THSD4: variants seen among roughly 807,000 people sequenced by gnomAD.
THSD4 encodes the protein thrombospondin type 1 domain containing 4.
In THSD4, 69 loss-of-function variants were observed where a neutral mutation model predicts 119.0. That is an observed-to-expected ratio of 0.58 (90% CI 0.48 to 0.71). THSD4 has a LOEUF of 0.71. Among genes scored for constraint, THSD4 ranks in the 30% least tolerant of loss-of-function variants. The pLI is 0.00. For missense variants in THSD4, 1,393 were observed against 1,391.1 expected (o/e 1.00, Z -0.02); for synonymous variants, 524 against 540.4 (o/e 0.97, Z 0.42).
chr15:71,403,413 G>A, intron 6 of THSD4, among the ~76,000 whole-genome samples: 1 of 152,138 alleles, frequency 6.6e-6, no homozygotes, highest in South Asian at 2.1e-4. Flanking sequence ...AGTTATTGTT[G>A]AGAAATCCAA....
intron 14 of THSD4, among the ~76,000 whole-genome samples, chr15:71,754,282 G>A (rs568863451): frequency 6.6e-6 from 1 of 151,962 alleles, no homozygotes; most frequent in Non-Finnish European, 1.5e-5. Context: ...TAGAGATGGG[G>A]TTTCACTATG....
chr15:71,486,617 T>G (rs2047824286), intron 7 of THSD4, among the ~76,000 whole-genome samples: 3 of 51,166 alleles, frequency 5.9e-5, no homozygotes, highest in Admixed American at 3.6e-4. Flanking sequence ...TTCTGTTTTT[T>G]TTTTTTTTTT....
intron 3 of THSD4, among the ~76,000 whole-genome samples, chr15:71,180,446 C>T (rs536581147): frequency 2.6e-5 from 4 of 152,294 alleles, no homozygotes; most frequent in East Asian, 1.9e-4. Flanking sequence ...AGGTTACCAA[C>T]GGCTACAAAA....
intron 6 of THSD4, among the ~76,000 whole-genome samples, chr15:71,307,012 G>A (rs1480718215): frequency 1.3e-5 from 2 of 152,132 alleles, no homozygotes; most frequent in African/African-American, 4.8e-5. Flanking sequence ...CCTCTCTCCA[G>A]GTCTTGCTCT....
chr15:71,379,497 C>T (rs1018134304), intron 6 of THSD4, among the ~76,000 whole-genome samples: 7 of 116,634 alleles, frequency 6.0e-5, no homozygotes, highest in East Asian at 2.8e-4. Flanking sequence ...CTTGCTCTAT[C>T]GCCCAGGCTG....
intron 8 of THSD4, among the ~76,000 whole-genome samples, chr15:71,686,016 C>A (rs1379025501): frequency 6.6e-6 from 1 of 152,122 alleles, no homozygotes; most frequent in African/African-American, 2.4e-5. Context: ...AGAGAGAATG[C>A]AGAGTTCCCA....
At chr15:71,341,563 A>G (rs960222158) in intron 6 of THSD4, 1 of 1,608,426 alleles carries the variant, frequency 6.2e-7, no homozygotes. Flanking sequence ...GTAAAGTGAC[A>G]TCTTTCAGAT....
At chr15:71,259,986 T>C (rs2044371209) in intron 6 of THSD4, among the ~76,000 whole-genome samples, 1 of 152,212 alleles carries the variant, frequency 6.6e-6, no homozygotes, top group Non-Finnish European at 1.5e-5. Flanking sequence ...CACACTACAC[T>C]GAGCAGTGTG....
At chr15:71,208,680 T>A (rs1432078705) in intron 3 of THSD4, among the ~76,000 whole-genome samples, 1 of 151,756 alleles carries the variant, frequency 6.6e-6, no homozygotes, top group Admixed American at 6.6e-5. Flanking sequence ...CCCAGCTAAT[T>A]TTTGTATTTT....
chr15:71,535,640 T>C (rs1424909926), intron 7 of THSD4, among the ~76,000 whole-genome samples: 1 of 152,230 alleles, frequency 6.6e-6, no homozygotes, highest in Admixed American at 6.5e-5. Flanking sequence ...TGTTATCACC[T>C]GTGTATTTGA....
At position 71,199,423 on chromosome 15, in the gene THSD4, A is replaced by G. The variant is rs367980789; in HGVS notation, c.100-15612A>G. ...TTTTCTCACCCTAGACACTGTTGAC[A>G]TTTTGGGCCAGATAACTGTGTGTGT... On this transcript the variant is annotated intron_variant, in intron 3 of 17. Coordinates refer to ENST00000261862, the MANE Select transcript of THSD4 (RefSeq NM_024817.3). Among the ~76,000 whole-genome samples the G allele has an allele frequency of 2.9e-5, 4 of 136,576 alleles. No individual in the cohort carries two copies. In the East Asian group the frequency reaches 6.3e-4, roughly 21 times the overall value. The allele number at this position is 136,576 out of a possible 152,430, so 89.6% of individuals were successfully genotyped here.
intron 8 of THSD4, among the ~76,000 whole-genome samples, chr15:71,707,791 C>T (rs532010853): frequency 1.0e-3 from 157 of 152,328 alleles, no homozygotes; most frequent in African/African-American, 3.7e-3. Flanking sequence ...CTGTAATTAA[C>T]TTCTAACCAA....
chr15:71,391,321 G>A (rs898774815), intron 6 of THSD4, among the ~76,000 whole-genome samples: 2 of 152,116 alleles, frequency 1.3e-5, no homozygotes, highest in African/African-American at 4.8e-5. Context: ...GAGCCACCGC[G>A]CCTGGCAACT....
intron 6 of THSD4, among the ~76,000 whole-genome samples, chr15:71,364,430 G>A (rs1024942265): frequency 4.6e-5 from 7 of 152,182 alleles, no homozygotes; most frequent in African/African-American, 9.7e-5. Flanking sequence ...CTTATCTGGG[G>A]TACTTTAGCT....
At chr15:71,273,790 T>C (rs951513461) in intron 6 of THSD4, among the ~76,000 whole-genome samples, 1 of 152,210 alleles carries the variant, frequency 6.6e-6, no homozygotes, top group African/African-American at 2.4e-5. Flanking sequence ...GTTAGTTAGC[T>C]TTCTTATTTT....
chr15:71,294,943 A>G (rs1019408921), intron 6 of THSD4, among the ~76,000 whole-genome samples: 2 of 148,616 alleles, frequency 1.3e-5, no homozygotes, highest in African/African-American at 4.9e-5. Context: ...AAAAAAAAAT[A>G]CAGTCTTGTT....
At chr15:71,438,595 T>C (rs2047047383) in intron 7 of THSD4, among the ~76,000 whole-genome samples, 1 of 152,246 alleles carries the variant, frequency 6.6e-6, no homozygotes, top group South Asian at 2.1e-4. Flanking sequence ...TTATGGATAA[T>C]TACCCAATTA....
At chr15:71,454,609 C>A (rs76215396) in intron 7 of THSD4, among the ~76,000 whole-genome samples, 398 of 152,310 alleles carry the variant, frequency 2.6e-3, no homozygotes, top group African/African-American at 9.1e-3. Flanking sequence ...CATATTATGG[C>A]AACTTGCAAT....
At chr15:71,700,350 A>G (rs552753512) in intron 8 of THSD4, among the ~76,000 whole-genome samples, 8 of 152,290 alleles carry the variant, frequency 5.3e-5, no homozygotes, top group African/African-American at 1.7e-4. Flanking sequence ...CAAGAAAAAT[A>G]TTAAATATTT....
Sources: allele counts gnomAD v4.1 joint callset (sites outside exome capture counted in the v4.1 genomes callset), GRCh38; gene constraint gnomAD v4.1.1; transcripts MANE v1.5; gene names NCBI Gene and HGNC (gene_info 2026-07-23, HGNC 2026-07-21).